Variants in PHLDB2 observed in about 807,000 individuals in gnomAD.
The protein encoded by PHLDB2 is pleckstrin homology like domain family B member 2.
Under a neutral mutation model 123.6 loss-of-function variants are expected in PHLDB2, and 71 were observed. That is an observed-to-expected ratio of 0.57 (90% CI 0.47 to 0.70). The LOEUF is 0.70. Among genes scored for constraint, PHLDB2 ranks in the 30% least tolerant of loss-of-function variants. The pLI is 0.00. For synonymous variants in PHLDB2, 547 were observed against 541.6 expected (o/e 1.01, Z -0.14); for missense variants, 1,446 against 1,519.5 (o/e 0.95, Z 0.80).
At chr3:111,844,432 G>A (rs141496463) in intron 1 of PHLDB2, among the ~76,000 whole-genome samples, 42 of 152,120 alleles carry the variant, frequency 2.8e-4, no homozygotes, top group Middle Eastern at 3.4e-3. Flanking sequence ...ACCATCATCC[G>A]TCACTTACCC....
intron 1 of PHLDB2, among the ~76,000 whole-genome samples, chr3:111,797,870 G>A (rs1035573529): frequency 1.1e-4 from 17 of 152,190 alleles, no homozygotes; most frequent in African/African-American, 2.7e-4. Context: ...AGTGGTTTGC[G>A]ACTGTAATCA....
At chr3:111,761,741 C>G (rs1270540021) in intron 1 of PHLDB2, among the ~76,000 whole-genome samples, 1 of 152,146 alleles carries the variant, frequency 6.6e-6, no homozygotes, top group Non-Finnish European at 1.5e-5. Flanking sequence ...CTAACAAGTT[C>G]CCAGGTGATG....
rs373958177 is a variant in PHLDB2, at chr3:111,829,858, C to CT, written c.-48-15955dup. On this transcript the variant is annotated intron_variant, in intron 1 of 17. Coordinates refer to the PHLDB2 transcript ENST00000393923. Reference sequence around the variant, plus strand: ...TTCACTAGATCCTAAACTCACAATACTTTTTTTTGTTTTTTTTATTTCATA... The same window carrying CT: ...TTCACTAGATCCTAAACTCACAATACTTTTTTTTTGTTTTTTTTATTTCATA... Among the ~76,000 whole-genome samples, 695 of 150,610 alleles carry CT rather than the reference C, an allele frequency of 4.6e-3. 11 individuals carry two copies. Among genetic ancestry groups the CT allele is most frequent in the African/African-American group, 0.016 (660 of 40,926 alleles).
At chr3:111,793,265 T>C (rs1214398710) in intron 1 of PHLDB2, among the ~76,000 whole-genome samples, 1 of 152,112 alleles carries the variant, frequency 6.6e-6, no homozygotes, top group Middle Eastern at 3.2e-3. Context: ...TCATTCCTAC[T>C]CTTCCCTCCC....
chr3:111,958,565 G>T (rs1341717072), intron 12 of PHLDB2: 1 of 355,710 alleles, frequency 2.8e-6, no homozygotes, highest in Non-Finnish European at 5.4e-6. Context: ...TGGTCCCTTG[G>T]CTGTCCCAGG....
chr3:111,747,713 C>G (rs1444519311), intron 1 of PHLDB2, among the ~76,000 whole-genome samples: 1 of 152,198 alleles, frequency 6.6e-6, no homozygotes, highest in African/African-American at 2.4e-5. Flanking sequence ...CTACAAGTTC[C>G]ACTTCTCATT....
intron 2 of PHLDB2, among the ~76,000 whole-genome samples, chr3:111,893,900 T>TTGTATTTATTTA (rs1553746205): frequency 7.3e-6 from 1 of 136,610 alleles, no homozygotes; most frequent in African/African-American, 2.7e-5. Context: ...TTGGATTTAT[T>TTGTATTTATTTA]TTTATTTATT....
chr3:111,959,214 T>C (rs1577197583), intron 12 of PHLDB2, among the ~76,000 whole-genome samples: 1 of 152,364 alleles, frequency 6.6e-6, no homozygotes, highest in South Asian at 2.1e-4. Context: ...CTCTTTGGAA[T>C]CACACTGGTT....
chr3:111,867,549 C>T (rs1490167671), intron 1 of PHLDB2, among the ~76,000 whole-genome samples: 1 of 152,042 alleles, frequency 6.6e-6, no homozygotes, highest in African/African-American at 2.4e-5. Flanking sequence ...AAGCAGATTC[C>T]AAACATCATC....
chr3:111,958,500 A>G (rs1352919853), intron 12 of PHLDB2, among the ~76,000 whole-genome samples: 1 of 152,218 alleles, frequency 6.6e-6, no homozygotes, highest in East Asian at 1.9e-4. Context: ...CCAATTAGCC[A>G]GAATTAATAG....
intron 1 of PHLDB2, among the ~76,000 whole-genome samples, chr3:111,759,024 A>G (rs2059949673): frequency 6.6e-6 from 1 of 152,214 alleles, no homozygotes; most frequent in Non-Finnish European, 1.5e-5. Flanking sequence ...GTTTACTGTG[A>G]TATTTTAAGG....
intron 1 of PHLDB2, among the ~76,000 whole-genome samples, chr3:111,775,037 A>G (rs914061068): frequency 4.6e-5 from 7 of 152,248 alleles, no homozygotes; most frequent in African/African-American, 1.7e-4. Context: ...AGAAAATATG[A>G]GAGTCTTATA....
At chr3:111,923,473 T>C (rs2068639675) in intron 5 of PHLDB2, among the ~76,000 whole-genome samples, 1 of 152,220 alleles carries the variant, frequency 6.6e-6, no homozygotes, top group Admixed American at 6.5e-5. Context: ...AAATAACTTG[T>C]ATATGCTGGT....
At chr3:111,953,429 A>G (rs995188667) in intron 11 of PHLDB2, among the ~76,000 whole-genome samples, 2 of 152,202 alleles carry the variant, frequency 1.3e-5, no homozygotes, top group Non-Finnish European at 2.9e-5. Context: ...TTGTGTTTCA[A>G]GTACATTTTA....
In PHLDB2 at chr3:111,752,219, A is replaced by ACTGTGTGTGT. The variant is rs140221455; in HGVS notation, c.-49+19516_-49+19517insCTGTGTGTGT. ...TTTCTCTAGTCAGTGGAAGTTTCTA[A>ACTGTGTGTGT]GTGTGTGTGTGTGTGTGTGTGTCTG... On this transcript the variant is annotated intron_variant, in intron 1 of 17. Transcript: ENST00000393923. 2.5e-3 allele frequency among the ~76,000 whole-genome samples: 372 copies of ACTGTGTGTGT among 146,982 alleles called. 11 individuals are homozygous for ACTGTGTGTGT. The East Asian group carries it at 0.062, about 24-fold the overall frequency.
At chr3:111,819,839 G>A (rs916757341) in intron 1 of PHLDB2, among the ~76,000 whole-genome samples, 6 of 152,192 alleles carry the variant, frequency 3.9e-5, no homozygotes, top group Non-Finnish European at 8.8e-5. Context: ...TGGAATCTGA[G>A]AGTTTAATTG....
intron 14 of PHLDB2, 112 bp from the exon 15 acceptor site, chr3:111,967,566 T>A: frequency 8.9e-7 from 1 of 1,128,328 alleles, no homozygotes; most frequent in South Asian, 2.0e-5. Flanking sequence ...TATAAGAGAC[T>A]AGTCTACAAA....
intron 2 of PHLDB2, among the ~76,000 whole-genome samples, chr3:111,909,401 G>T (rs2067745742): frequency 6.6e-6 from 1 of 152,116 alleles, no homozygotes; most frequent in Non-Finnish European, 1.5e-5. Context: ...CTTGAGACCA[G>T]CCTGTGCAAC....
At chr3:111,859,895 GAC>G (rs1244223341) in intron 1 of PHLDB2, 1 of 985,622 alleles carries the variant, frequency 1.0e-6, no homozygotes, top group African/African-American at 1.7e-5. Flanking sequence ...GGGCTCCGGG[GAC>G]ACAGAGTTTC....
Sources: gnomAD v4.1 joint callset for allele counts (sites outside exome capture counted in the v4.1 genomes callset) on GRCh38, gnomAD v4.1.1 for gene constraint, MANE v1.5 for transcripts, NCBI Gene and HGNC (gene_info 2026-07-23, HGNC 2026-07-21) for gene names.